OGDH: variants seen among roughly 807,000 people sequenced by gnomAD.
The protein encoded by OGDH is 2-oxoglutarate dehydrogenase complex component E1.
A neutral mutation model predicts 116.6 loss-of-function variants in OGDH; 38 were observed. The observed-to-expected ratio is 0.33, with a 90% confidence interval of 0.25 to 0.43. OGDH has a LOEUF of 0.43. Among genes scored for constraint, OGDH ranks in the 20% least tolerant of loss-of-function variants. The probability of loss-of-function intolerance (pLI) is 1.00; values close to 1 mark genes in which losing one functional copy is unlikely to be tolerated. For missense variants in OGDH, 825 were observed against 1,357.2 expected, an observed-to-expected ratio of 0.61 and a Z score of 6.16; for synonymous variants, 488 against 533.3, an observed-to-expected ratio of 0.92 and a Z score of 1.17.
intron 1 of OGDH, among the ~76,000 whole-genome samples, chr7:44,607,922 G>C (rs1246042716): frequency 6.6e-6 from 1 of 152,044 alleles, no homozygotes; most frequent in Non-Finnish European, 1.5e-5. Context: ...GGCTATTCTC[G>C]AACTCCTGAC....
chr7:44,673,383 A>G (rs1787554842), intron 5 of OGDH, among the ~76,000 whole-genome samples: 1 of 152,158 alleles, frequency 6.6e-6, no homozygotes, highest in Admixed American at 6.5e-5. Context: ...AGCCTATGAC[A>G]CCCTATGGGC....
intron 2 of OGDH, among the ~76,000 whole-genome samples, chr7:44,636,465 G>A (rs748932377): frequency 3.9e-5 from 6 of 152,246 alleles, no homozygotes; most frequent in South Asian, 2.1e-4. Context: ...TAAGGTCAGC[G>A]CCTCTGCTGC....
At chr7:44,656,878 G>T (rs947653933) in intron 4 of OGDH, among the ~76,000 whole-genome samples, 2 of 152,188 alleles carry the variant, frequency 1.3e-5, no homozygotes, top group Admixed American at 1.3e-4. Flanking sequence ...GTGACCCTCG[G>T]TTGGGCAAAA....
intron 5 of OGDH, among the ~76,000 whole-genome samples, chr7:44,669,239 A>G (rs911324088): frequency 3.8e-4 from 56 of 148,408 alleles, no homozygotes; most frequent in African/African-American, 1.4e-3. Flanking sequence ...TGCAGCCTCA[A>G]CCTCTGGGAT....
chr7:44,674,754 T>C (rs1248770338), intron 7 of OGDH, 197 bp downstream of exon 7: 1 of 616,646 alleles, frequency 1.6e-6, no homozygotes, highest in Non-Finnish European at 2.8e-6. Flanking sequence ...TGCAAAGTCA[T>C]GGTCACCTCC....
In OGDH at chr7:44,694,651, A is replaced by G. The variant is rs1788501926; in HGVS notation, c.1668+75A>G. ...ACTAGAAAAGGTGGGCCACAGGGCC[A>G]GTTCTCACTTTTGCCAGTTATGAGG... On this transcript the variant is annotated intron_variant, in intron 12 of 22. Coordinates refer to ENST00000222673, the MANE Select transcript of OGDH (RefSeq NM_002541.4). This position sits in a 1 kb window ranked among gnomAD's most constrained non-coding sequence, Gnocchi z 4.2. 6.4e-7 allele frequency: 1 copy of G among 1,560,292 alleles called. No homozygotes were observed. The highest frequency in any genetic ancestry group is 1.1e-5 in the South Asian group (1 of 88,568).
chr7:44,667,521 G>A (rs1315955945), intron 5 of OGDH, among the ~76,000 whole-genome samples: 1 of 152,084 alleles, frequency 6.6e-6, no homozygotes, highest in East Asian at 1.9e-4. Context: ...CTTGTGTTTT[G>A]TTTCATTTTT....
chr7:44,620,873 A>T (rs142479566), intron 1 of OGDH, among the ~76,000 whole-genome samples: 4 of 152,302 alleles, frequency 2.6e-5, no homozygotes, highest in Non-Finnish European at 5.9e-5. Context: ...CCTGTTTTAA[A>T]CCAAAAATCA....
At chr7:44,654,923 G>A (rs1786620691) in intron 4 of OGDH, among the ~76,000 whole-genome samples, 1 of 152,180 alleles carries the variant, frequency 6.6e-6, no homozygotes, top group African/African-American at 2.4e-5. Context: ...AAGCACTCAG[G>A]TGTTGGAAAA....
Position 44,696,068 on chromosome 7 carries a change from C to A in OGDH, c.1712C>A (p.Ala571Asp). The A allele has an allele frequency of 6.2e-7, 1 of 1,613,244 alleles. No homozygotes were observed. Among genetic ancestry groups the A allele is most frequent in the Non-Finnish European group, 8.5e-7 (1 of 1,179,268 alleles). ...KYDKICEEAF[A>D]RSKDEKILHI... Reference sequence around the variant, plus strand: ...GATAAGATCTGTGAGGAAGCTTTTGCCAGATCTAAAGATGAGAAGATCTTG... The same window carrying A: ...GATAAGATCTGTGAGGAAGCTTTTGACAGATCTAAAGATGAGAAGATCTTG... Residue 571 changes from alanine (A) to aspartate (D), a missense_variant, in exon 13 of 23, where the codon GCC becomes GAC. By Grantham distance (126) the Ala-to-Asp change is moderately radical. Transcript: ENST00000222673.
intron 2 of OGDH, among the ~76,000 whole-genome samples, chr7:44,638,582 A>G (rs1362511651): frequency 6.6e-6 from 1 of 152,192 alleles, no homozygotes; most frequent in Non-Finnish European, 1.5e-5. Flanking sequence ...CAATTCCGGG[A>G]CATCCAGGCA....
intron 1 of OGDH, among the ~76,000 whole-genome samples, chr7:44,623,830 G>C (rs1204182195): frequency 6.6e-6 from 1 of 152,168 alleles, no homozygotes; most frequent in African/African-American, 2.4e-5. Context: ...ATTTTTAGTA[G>C]AGATGTGGTT....
intron 1 of OGDH, among the ~76,000 whole-genome samples, chr7:44,615,308 T>C (rs1223558923): frequency 6.6e-6 from 1 of 152,084 alleles, no homozygotes; most frequent in Non-Finnish European, 1.5e-5. Flanking sequence ...GGGGGAGGGA[T>C]TCCTTGTTAT....
At chr7:44,617,728 A>G (rs1717121130) in intron 1 of OGDH, among the ~76,000 whole-genome samples, 1 of 152,230 alleles carries the variant, frequency 6.6e-6, no homozygotes, top group Non-Finnish European at 1.5e-5. Context: ...ACTGAAAAAA[A>G]GAAAGTGGAT....
At chr7:44,622,824 T>C (rs1157140863) in intron 1 of OGDH, 1 of 152,182 alleles carries the variant, frequency 6.6e-6, no homozygotes, top group Non-Finnish European at 1.5e-5. Flanking sequence ...CTTGTGAACT[T>C]TCCGCTTGGA....
intron 9 of OGDH, among the ~76,000 whole-genome samples, chr7:44,681,161 A>G (rs183929002): frequency 6.6e-6 from 1 of 152,350 alleles, no homozygotes; most frequent in East Asian, 1.9e-4. Context: ...TTCTTCTCAC[A>G]AAATACTACC....
At chr7:44,627,287 G>A (rs950545440) in intron 2 of OGDH, among the ~76,000 whole-genome samples, 1 of 152,150 alleles carries the variant, frequency 6.6e-6, no homozygotes, top group African/African-American at 2.4e-5. Context: ...GAGCCACGGC[G>A]CCTGGCCATG....
chr7:44,682,000 A>C (rs1787948528), intron 10 of OGDH, 152 bp downstream of exon 10: 2 of 1,071,344 alleles, frequency 1.9e-6, no homozygotes. Context: ...TAATCGTAGC[A>C]CTTTGGGAAG....
chr7:44,627,995 CTG>C (rs2117315688), intron 2 of OGDH, among the ~76,000 whole-genome samples: 1 of 152,186 alleles, frequency 6.6e-6, no homozygotes, highest in South Asian at 2.1e-4. Context: ...ATTTTTAAAT[CTG>C]TGTTTTATAG....
Sources: gnomAD v4.1 joint callset for allele counts (sites outside exome capture counted in the v4.1 genomes callset) on GRCh38, gnomAD v4.1.1 for gene constraint, Gnocchi (gnomAD v3.1) non-coding constraint, MANE v1.5 for transcripts, NCBI Gene and HGNC (gene_info 2026-07-23, HGNC 2026-07-21) for gene names.